Variants in EPM2A observed in about 807,000 individuals in gnomAD.
EPM2A encodes the protein EPM2A glucan phosphatase, laforin, also known as laforin.
In EPM2A, 21 loss-of-function variants were observed where a neutral mutation model predicts 26.5. The observed-to-expected ratio is 0.79, with a 90% confidence interval of 0.56 to 1.14. The LOEUF (loss-of-function observed/expected upper bound fraction) is 1.14, where lower values mean the gene tolerates loss of function less well. Among genes scored for constraint, EPM2A ranks in the 50% most tolerant of loss-of-function variants. The pLI is 0.00. For synonymous variants in EPM2A, 217 were observed against 177.6 expected (o/e 1.22, Z -1.76); for missense variants, 458 against 440.8 (o/e 1.04, Z -0.35).
chr6:145,470,678 A>T (rs964708361), intron 4 of EPM2A, among the ~76,000 whole-genome samples: 1 of 152,144 alleles, frequency 6.6e-6, no homozygotes, highest in Non-Finnish European at 1.5e-5. Flanking sequence ...GTGCAAAAAG[A>T]TTTTGAATAC....
At chr6:145,384,209 A>T (rs532743535) in intron 4 of EPM2A, 1 of 152,306 alleles carries the variant, frequency 6.6e-6, no homozygotes, top group South Asian at 2.1e-4. Flanking sequence ...TAATAAGGGA[A>T]AATTGCAAGT....
chr6:145,711,309 G>A (rs748099060), intron 1 of EPM2A, among the ~76,000 whole-genome samples: 7 of 152,182 alleles, frequency 4.6e-5, no homozygotes, highest in Non-Finnish European at 1.0e-4. Flanking sequence ...TACCGCAGGA[G>A]CTTGTAATAC....
Position 145,627,238 on chromosome 6 carries a change from C to A in EPM2A, c.*178G>T, listed in dbSNP as rs1222057295. The A allele has an allele frequency of 1.3e-6, 2 of 1,499,170 alleles. No homozygotes were observed. Among genetic ancestry groups the A allele is most frequent in the South Asian group, 1.4e-5 (1 of 73,882 alleles). The allele number at this position is 1,499,170 out of a possible 1,614,324, so 92.9% of individuals were successfully genotyped here. ...GCCACAGCTTTCTTGTAGAGTATTT[C>A]AAAAATACAGCCCCAAAACAAAGCA... is the stretch of plus-strand genomic sequence containing the variant. On this transcript the variant is annotated 3_prime_UTR_variant, in exon 4 of 4. Coordinates refer to ENST00000367519, the MANE Select transcript of EPM2A (RefSeq NM_005670.4).
intron 2 of EPM2A, among the ~76,000 whole-genome samples, chr6:145,549,400 A>T (rs1283436233): frequency 1.3e-5 from 2 of 152,084 alleles, no homozygotes; most frequent in Non-Finnish European, 2.9e-5. Context: ...TATACAAGGC[A>T]TTTTACTTGC....
downstream of EPM2A, among the ~76,000 whole-genome samples, chr6:145,624,132 G>T (rs1007280962): frequency 9.9e-5 from 15 of 151,832 alleles, no homozygotes; most frequent in African/African-American, 3.1e-4. Context: ...TCTTTTTCTA[G>T]CAGGTACTCA....
chr6:145,468,645 G>T (rs1328534279), intron 4 of EPM2A, among the ~76,000 whole-genome samples: 1 of 151,868 alleles, frequency 6.6e-6, no homozygotes, highest in African/African-American at 2.4e-5. Flanking sequence ...AAAGATTGAA[G>T]ACTTAAATCT....
intron 2 of EPM2A, chr6:145,637,716 T>G (rs1776801113): frequency 6.6e-6 from 1 of 152,248 alleles, no homozygotes; most frequent in African/African-American, 2.4e-5. Context: ...GCAAGGACAC[T>G]TGCAGGGTGC....
Position 145,522,231 on chromosome 6 carries a change from C to G in EPM2A, c.341-19656G>C, listed in dbSNP as rs1454552142. On this transcript the variant is annotated intron_variant, in intron 2 of 3. Transcript: ENST00000450221. ...CCTCCCAAAGTGCTGGGATTACAGG[C>G]ATGAGCCACCGCGCCTGGCCAAGTA... Among the ~76,000 whole-genome samples, 6 of 152,168 alleles carry G rather than the reference C, an allele frequency of 3.9e-5. No individual in the cohort carries two copies. In the South Asian group the frequency reaches 6.2e-4, roughly 16 times the overall value.
chr6:145,418,418 A>T (rs1043524061), intron 4 of EPM2A, among the ~76,000 whole-genome samples: 3 of 152,154 alleles, frequency 2.0e-5, no homozygotes, highest in African/African-American at 7.2e-5. Context: ...GGATGCCTCA[A>T]GTGGGAGAGT....
chr6:145,712,322 A>C (rs1775378780), intron 1 of EPM2A, among the ~76,000 whole-genome samples: 1 of 152,148 alleles, frequency 6.6e-6, no homozygotes, highest in Admixed American at 6.6e-5. Context: ...CTAGCTGAAA[A>C]ATTAAAGTTG....
intron 1 of EPM2A, among the ~76,000 whole-genome samples, chr6:145,719,505 A>G (rs1284174709): frequency 1.3e-5 from 2 of 151,270 alleles, no homozygotes; most frequent in Non-Finnish European, 2.9e-5. Context: ...ATAGCATTGG[A>G]AGATATACCT....
At chr6:145,495,642 A>G (rs573907082) in intron 4 of EPM2A, among the ~76,000 whole-genome samples, 5 of 152,278 alleles carry the variant, frequency 3.3e-5, no homozygotes, top group South Asian at 2.1e-4. Flanking sequence ...CAATGACACA[A>G]TCTCAGCTCA....
chr6:145,558,370 T>C (rs1780758674), intron 2 of EPM2A, among the ~76,000 whole-genome samples: 1 of 152,100 alleles, frequency 6.6e-6, no homozygotes, highest in Non-Finnish European at 1.5e-5. Flanking sequence ...AATACAGGTA[T>C]TGAGAATAAT....
At chr6:145,437,801 T>A (rs910153052) in intron 4 of EPM2A, among the ~76,000 whole-genome samples, 1 of 152,196 alleles carries the variant, frequency 6.6e-6, no homozygotes, top group Non-Finnish European at 1.5e-5. Flanking sequence ...CAAGTATCAG[T>A]TCAGTTCAAT....
intron 4 of EPM2A, among the ~76,000 whole-genome samples, chr6:145,429,790 T>C (rs1458262587): frequency 6.6e-6 from 1 of 152,238 alleles, no homozygotes; most frequent in East Asian, 1.9e-4. Flanking sequence ...AGATTTGTTT[T>C]TGTAAGTAGA....
chr6:145,605,346 T>C (rs1195054909), intron 2 of EPM2A, among the ~76,000 whole-genome samples: 4 of 152,160 alleles, frequency 2.6e-5, no homozygotes, highest in African/African-American at 9.7e-5. Flanking sequence ...AGGATTTTTT[T>C]CTGTTCCTGT....
chr6:145,639,004 G>A (rs1582943586), intron 2 of EPM2A: 1 of 151,870 alleles, frequency 6.6e-6, no homozygotes, highest in Non-Finnish European at 1.5e-5. Flanking sequence ...TCTTCTTTTG[G>A]TATCAATGTT....
chr6:145,443,306 G>A (rs1779091541), intron 4 of EPM2A, among the ~76,000 whole-genome samples: 1 of 152,172 alleles, frequency 6.6e-6, no homozygotes, highest in Non-Finnish European at 1.5e-5. Context: ...ATTGAATCCA[G>A]AAATTGCTTT....
chr6:145,512,864 T>C (rs552168841), intron 2 of EPM2A, among the ~76,000 whole-genome samples: 9 of 152,056 alleles, frequency 5.9e-5, no homozygotes, highest in South Asian at 2.1e-4. Context: ...GCTAGCCACA[T>C]GCAGAAGAAT....
Sources: allele counts gnomAD v4.1 joint callset (sites outside exome capture counted in the v4.1 genomes callset), GRCh38; gene constraint gnomAD v4.1.1; transcripts MANE v1.5; gene names NCBI Gene and HGNC (gene_info 2026-07-23, HGNC 2026-07-21).